GPM6A: variants seen among roughly 807,000 people sequenced by gnomAD.
The protein encoded by GPM6A is glycoprotein M6A.
In GPM6A, 7 loss-of-function variants were observed where a neutral mutation model predicts 32.1. The observed-to-expected ratio is 0.22, with a 90% confidence interval of 0.12 to 0.41. The LOEUF (loss-of-function observed/expected upper bound fraction) is 0.41, where lower values mean the gene tolerates loss of function less well. Among genes scored for constraint, GPM6A ranks in the 10% least tolerant of loss-of-function variants. The pLI, the probability that GPM6A is intolerant of heterozygous loss-of-function variation, is 1.00. For synonymous variants in GPM6A, 130 were observed against 123.4 expected (o/e 1.05, Z -0.35); for missense variants, 235 against 347.2 (o/e 0.68, Z 2.57).
At chr4:175,944,019 T>G (rs1172137364) in intron 1 of GPM6A, among the ~76,000 whole-genome samples, 1 of 152,162 alleles carries the variant, frequency 6.6e-6, no homozygotes, top group African/African-American at 2.4e-5. Context: ...CTGGGCTTTT[T>G]TTGGTTGGCA....
chr4:175,957,491 C>G (rs548524928), intron 1 of GPM6A, among the ~76,000 whole-genome samples: 2 of 151,376 alleles, frequency 1.3e-5, no homozygotes, highest in Admixed American at 1.3e-4. Flanking sequence ...CATGTTCTCA[C>G]TCATTAGTGG....
intron 1 of GPM6A, among the ~76,000 whole-genome samples, chr4:175,865,830 C>T (rs1736717317): frequency 6.6e-6 from 1 of 151,670 alleles, no homozygotes; most frequent in East Asian, 1.9e-4. Flanking sequence ...ATTTTGTTAT[C>T]AGTAGAAGAG....
intron 1 of GPM6A, among the ~76,000 whole-genome samples, chr4:175,894,606 A>C (rs1737742310): frequency 6.6e-6 from 1 of 152,136 alleles, no homozygotes; most frequent in African/African-American, 2.4e-5. Context: ...TCTACCTTTC[A>C]TCATTCCTAA....
intron 1 of GPM6A, among the ~76,000 whole-genome samples, chr4:175,766,719 A>T (rs1732984323): frequency 7.2e-6 from 1 of 139,406 alleles, no homozygotes; most frequent in Non-Finnish European, 1.5e-5. Flanking sequence ...CAGTGGCGTG[A>T]TCTCTGCTCA....
intron 1 of GPM6A, among the ~76,000 whole-genome samples, chr4:175,746,179 G>A (rs189275368): frequency 2.2e-4 from 33 of 152,062 alleles, no homozygotes; most frequent in Non-Finnish European, 3.5e-4. Context: ...CATACATTCC[G>A]ATTCAGAAAG....
chr4:175,909,563 C>T (rs1738248504), intron 1 of GPM6A, among the ~76,000 whole-genome samples: 1 of 152,056 alleles, frequency 6.6e-6, no homozygotes, highest in Non-Finnish European at 1.5e-5. Flanking sequence ...CATCAGCATA[C>T]AATATAGGTG....
At chr4:175,978,845 G>A (rs1237500795) in intron 1 of GPM6A, among the ~76,000 whole-genome samples, 1 of 152,026 alleles carries the variant, frequency 6.6e-6, no homozygotes, top group African/African-American at 2.4e-5. Context: ...ATTAGTGAGA[G>A]TTAAGAACCG....
At chr4:175,764,236 C>T (rs989948630) in intron 1 of GPM6A, among the ~76,000 whole-genome samples, 6 of 152,116 alleles carry the variant, frequency 3.9e-5, no homozygotes, top group African/African-American at 1.2e-4. Context: ...TTGCCTATCC[C>T]GAGTATTTTA....
upstream of GPM6A, chr4:175,812,337 T>TTTTTTTTTTTAA: frequency 7.4e-7 from 1 of 1,346,910 alleles, no homozygotes; most frequent in Non-Finnish European, 9.6e-7. Flanking sequence ...TTTTTTTTTT[T>TTTTTTTTTTTAA]TTTCCTGGGA....
intron 1 of GPM6A, among the ~76,000 whole-genome samples, chr4:175,720,167 G>A (rs1486418604): frequency 6.6e-6 from 1 of 152,112 alleles, no homozygotes; most frequent in Admixed American, 6.6e-5. Flanking sequence ...TGAAAATAAA[G>A]GTTTCCAGAG....
chr4:175,684,850 T>TGTG (rs1553973726), intron 2 of GPM6A, among the ~76,000 whole-genome samples: 1 of 151,534 alleles, frequency 6.6e-6, no homozygotes. Flanking sequence ...TCTTAACTAT[T>TGTG]TGTGTGTGTG....
At chr4:175,653,540 C>T (rs1741919464) in intron 3 of GPM6A, among the ~76,000 whole-genome samples, 1 of 152,024 alleles carries the variant, frequency 6.6e-6, no homozygotes, top group Non-Finnish European at 1.5e-5. Flanking sequence ...AGAATATTAG[C>T]AAATAAAATT....
intron 1 of GPM6A, among the ~76,000 whole-genome samples, chr4:175,863,059 T>C (rs1305613791): frequency 1.3e-5 from 2 of 152,152 alleles, no homozygotes; most frequent in Non-Finnish European, 2.9e-5. Flanking sequence ...TTGTATTGAG[T>C]AGACATTTTT....
intron 1 of GPM6A, among the ~76,000 whole-genome samples, chr4:175,797,181 T>C (rs565395022): frequency 6.6e-5 from 10 of 152,270 alleles, no homozygotes; most frequent in South Asian, 2.1e-4. Context: ...CAACAGCACA[T>C]GGTAATAGCT....
chr4:175,924,977 G>A (rs1340927329), intron 1 of GPM6A, among the ~76,000 whole-genome samples: 1 of 151,890 alleles, frequency 6.6e-6, no homozygotes, highest in Non-Finnish European at 1.5e-5. Context: ...AAGAACATTA[G>A]TTCTTAAGTT....
At chr4:175,651,042 G>A (rs1302968256) in intron 4 of GPM6A, among the ~76,000 whole-genome samples, 4 of 152,080 alleles carry the variant, frequency 2.6e-5, no homozygotes, top group Admixed American at 6.6e-5. Context: ...AATATGAAAG[G>A]CAGTTGACTT....
In GPM6A at chr4:175,787,087, C is replaced by T. The variant is rs78103129; in HGVS notation, c.37+25104G>A. On this transcript the variant is annotated intron_variant, in intron 1 of 6. Transcript: ENST00000393658. ...TTCCTTTGTTTTTCTATTTCTCCCTCTGTTCTTTTTTTTGTTGTTGTTTTT... is the reference window on the plus strand; with the variant it reads ...TTCCTTTGTTTTTCTATTTCTCCCTTTGTTCTTTTTTTTGTTGTTGTTTTT... Among the ~76,000 whole-genome samples, 1,036 of 152,082 alleles carry T rather than the reference C, an allele frequency of 6.8e-3. 2 individuals carry two copies. The highest frequency in any genetic ancestry group is 0.012 in the Non-Finnish European group (830 of 67,996).
intron 1 of GPM6A, among the ~76,000 whole-genome samples, chr4:175,877,856 C>A (rs76274975): frequency 6.6e-6 from 1 of 152,188 alleles, no homozygotes; most frequent in Non-Finnish European, 1.5e-5. Context: ...AAAGTCTCCT[C>A]TACGACAAGG....
intron 1 of GPM6A, among the ~76,000 whole-genome samples, chr4:175,870,372 A>AGGCT (rs1476761029): frequency 1.3e-5 from 2 of 152,206 alleles, no homozygotes; most frequent in African/African-American, 4.8e-5. Flanking sequence ...TCAGCATCTT[A>AGGCT]GGCTACCTTG....
Sources: allele counts gnomAD v4.1 joint callset (sites outside exome capture counted in the v4.1 genomes callset), GRCh38; gene constraint gnomAD v4.1.1; transcripts MANE v1.5; gene names NCBI Gene and HGNC (gene_info 2026-07-23, HGNC 2026-07-21).